The following USP34 variants were observed in gnomAD, a reference collection of about 807,000 sequenced individuals.
USP34 encodes the protein ubiquitin carboxyl-terminal hydrolase 34.
In USP34, 70 loss-of-function variants were observed where a neutral mutation model predicts 460.3. That is an observed-to-expected ratio of 0.15 (90% CI 0.13 to 0.19). USP34 has a LOEUF of 0.19. Among genes scored for constraint, USP34 ranks in the 10% least tolerant of loss-of-function variants. USP34 has a pLI of 1.00. For synonymous variants in USP34, 1,647 were observed against 1,405.3 expected (o/e 1.17, Z -3.85); for missense variants, 3,985 against 4,236.2 (o/e 0.94, Z 1.65).
At chr2:61,219,258 T>C (rs1687489711) in intron 67 of USP34, among the ~76,000 whole-genome samples, 1 of 152,222 alleles carries the variant, frequency 6.6e-6, no homozygotes, top group Non-Finnish European at 1.5e-5. Context: ...TTTGAGTACT[T>C]TCACTTTCTG....
At chr2:61,303,296 C>T (rs1292425027) in intron 27 of USP34, among the ~76,000 whole-genome samples, 1 of 152,096 alleles carries the variant, frequency 6.6e-6, no homozygotes, top group Non-Finnish European at 1.5e-5. Flanking sequence ...GAACTCTTGA[C>T]CTCCGGTGAT....
At chr2:61,340,449 A>G (rs1456854257) in intron 16 of USP34, among the ~76,000 whole-genome samples, 1 of 152,204 alleles carries the variant, frequency 6.6e-6, no homozygotes, top group African/African-American at 2.4e-5. Flanking sequence ...GTCATAAGGT[A>G]TTATGTATGT....
chr2:61,449,373 T>C (rs923751757), intron 1 of USP34, among the ~76,000 whole-genome samples: 1 of 151,782 alleles, frequency 6.6e-6, no homozygotes, highest in Non-Finnish European at 1.5e-5. Context: ...GTTAAGATAG[T>C]AATAATCCTC....
intron 34 of USP34, among the ~76,000 whole-genome samples, chr2:61,285,366 A>G (rs1457488682): frequency 6.6e-6 from 1 of 151,958 alleles, no homozygotes; most frequent in Non-Finnish European, 1.5e-5. Flanking sequence ...GCATGTCTAC[A>G]GTCCCATCTA....
chr2:61,463,222 G>C (rs914346957), intron 1 of USP34, among the ~76,000 whole-genome samples: 1 of 152,116 alleles, frequency 6.6e-6, no homozygotes. Context: ...CAACACTTTG[G>C]GAGGCTGAGG....
rs751152177 is a variant in USP34, at chr2:61,214,462, A to G, written c.8280T>C (p.Thr2760=). ...TCTCAGTTTTGGAAATTAAACAGTA[A>G]GTCATAAAGCTAAAATAGGGCACTA... ...TKLVPYFSFM[T]YCLISKTEKL... The change falls in exon 68 of 80, where the codon ACT becomes ACC. Residue 2760 remains threonine, a synonymous_variant. Coordinates refer to ENST00000398571, the MANE Select transcript of USP34 (RefSeq NM_014709.4). The G allele has an allele frequency of 1.9e-6, 3 of 1,614,220 alleles. No homozygotes were observed. The Admixed American group carries it at 5.0e-5, about 27-fold the overall frequency.
At chr2:61,215,034 G>T (rs1687359024) in intron 67 of USP34, among the ~76,000 whole-genome samples, 1 of 152,168 alleles carries the variant, frequency 6.6e-6, no homozygotes, top group Non-Finnish European at 1.5e-5. Context: ...CCCAGCATTT[G>T]CAGTCAGAAG....
In USP34 at chr2:61,204,155, A is replaced by G. The variant is rs986804859; in HGVS notation, c.9384+101T>C. 1.2e-4 allele frequency: 170 copies of G among 1,469,338 alleles called. 1 individual carries two copies. Among genetic ancestry groups the G allele is most frequent in the Middle Eastern group, 3.6e-4 (2 of 5,540 alleles). 91.0% of individuals were successfully genotyped at this position (1,469,338 alleles called of 1,614,324 possible). A position where few individuals can be genotyped will look rare whatever the true frequency, so the allele number is the denominator to read the frequency against. ...GAATCTAATCTTCTTAGGATCCACA[A>G]AATTGGTCACTTAAGTCTAACCTAT... On this transcript the variant is annotated intron_variant, in intron 74 of 79. Coordinates refer to ENST00000398571, the MANE Select transcript of USP34 (RefSeq NM_014709.4).
At chr2:61,369,118 C>A (rs1166738990) in intron 10 of USP34, among the ~76,000 whole-genome samples, 2 of 152,166 alleles carry the variant, frequency 1.3e-5, no homozygotes, top group African/African-American at 4.8e-5. Context: ...CCAATGATAT[C>A]ACTTTTCACC....
At chr2:61,419,480 C>T (rs973928881) in intron 2 of USP34, among the ~76,000 whole-genome samples, 3 of 152,072 alleles carry the variant, frequency 2.0e-5, no homozygotes, top group Non-Finnish European at 4.4e-5. Context: ...TCCACAGACT[C>T]TTGGTTAAAA....
intron 62 of USP34, among the ~76,000 whole-genome samples, chr2:61,225,237 G>C (rs1333040747): frequency 1.3e-5 from 2 of 151,810 alleles, no homozygotes. Context: ...TCTTTCTTTT[G>C]CTGAAAATCT....
chr2:61,401,149 CAAAA>C (rs60805364), intron 3 of USP34, among the ~76,000 whole-genome samples: 2 of 104,844 alleles, frequency 1.9e-5, no homozygotes, highest in Non-Finnish European at 3.7e-5. Context: ...GACTCTGTCT[CAAAA>C]AAAAAAAAAA....
intron 53 of USP34, among the ~76,000 whole-genome samples, chr2:61,239,300 T>TCTCACACACACACACACA (rs1213558114): frequency 3.8e-5 from 5 of 132,766 alleles, no homozygotes; most frequent in African/African-American, 1.4e-4. Flanking sequence ...GAGGGCCCTG[T>TCTCACACACACACACACA]CACACACACA....
At position 61,256,254 on chromosome 2, in the gene USP34, A is replaced by C. The variant is rs547121641; in HGVS notation, c.6221+130T>G. ...CAACTAGATGAAAAGTTGCTCCATG[A>C]GACTGAGCTCCATGCAGCTGATTTT... On this transcript the variant is annotated intron_variant, in intron 48 of 79. Transcript: ENST00000398571. 3.7e-4 allele frequency: 289 copies of C among 780,054 alleles called. 1 individual carries two copies. Among genetic ancestry groups the C allele is most frequent in the South Asian group, 1.0e-3 (61 of 60,588 alleles). The allele number at this position is 780,054 out of a possible 1,614,324, so 48.3% of individuals were successfully genotyped here.
At chr2:61,412,002 C>A (rs1694053793) in intron 2 of USP34, among the ~76,000 whole-genome samples, 1 of 151,806 alleles carries the variant, frequency 6.6e-6, no homozygotes, top group Non-Finnish European at 1.5e-5. Context: ...TCAGCCTGAC[C>A]AACATGGAGA....
chr2:61,357,616 G>C (rs946289502), intron 10 of USP34, among the ~76,000 whole-genome samples: 1 of 152,184 alleles, frequency 6.6e-6, no homozygotes, highest in South Asian at 2.1e-4. Flanking sequence ...AGTACAGAAA[G>C]CTGGTCAGAT....
chr2:61,399,138 A>AG (rs1365936610), intron 3 of USP34, among the ~76,000 whole-genome samples: 4 of 151,978 alleles, frequency 2.6e-5, no homozygotes, highest in Non-Finnish European at 2.9e-5. Context: ...GTGGATCACG[A>AG]GGTCAGGAGT....
intron 5 of USP34, among the ~76,000 whole-genome samples, chr2:61,393,849 C>A (rs999076745): frequency 6.6e-6 from 1 of 152,098 alleles, no homozygotes; most frequent in African/African-American, 2.4e-5. Flanking sequence ...AAGTATCTTT[C>A]TTTCCGGGCC....
chr2:61,353,861 A>G (rs1013941505), intron 10 of USP34, among the ~76,000 whole-genome samples: 1 of 152,208 alleles, frequency 6.6e-6, no homozygotes, highest in Non-Finnish European at 1.5e-5. Context: ...AAATTATGGA[A>G]ATGAAAGGTA....
Sources: allele counts gnomAD v4.1 joint callset (sites outside exome capture counted in the v4.1 genomes callset), GRCh38; gene constraint gnomAD v4.1.1; transcripts MANE v1.5; gene names NCBI Gene and HGNC (gene_info 2026-07-23, HGNC 2026-07-21).